Variants in NT5DC3 observed in about 807,000 individuals in gnomAD.
NT5DC3 encodes the protein 5'-nucleotidase domain containing 3, also known as 5'-nucleotidase domain-containing protein 3.
A neutral mutation model predicts 67.8 loss-of-function variants in NT5DC3; 42 were observed. The ratio of observed to expected loss-of-function variants is 0.62; its 90% CI spans 0.48 to 0.80. The LOEUF (loss-of-function observed/expected upper bound fraction) is 0.80, where lower values mean the gene tolerates loss of function less well. Among genes scored for constraint, NT5DC3 ranks in the 30% least tolerant of loss-of-function variants. NT5DC3 has a pLI of 0.00. For missense variants in NT5DC3, 570 were observed against 696.4 expected, an observed-to-expected ratio of 0.82 and a Z score of 2.04; for synonymous variants, 237 against 255.6, an observed-to-expected ratio of 0.93 and a Z score of 0.69.
intron 1 of NT5DC3, among the ~76,000 whole-genome samples, chr12:103,823,756 A>T (rs145853099): frequency 3.3e-5 from 5 of 152,242 alleles, no homozygotes; most frequent in Admixed American, 3.3e-4. Flanking sequence ...GAAAATAAGC[A>T]TAGGCATTTT....
downstream of NT5DC3, chr12:103,765,914 AAGG>A: frequency 5.5e-6 from 2 of 360,618 alleles, no homozygotes; most frequent in Non-Finnish European, 1.1e-5. Flanking sequence ...TTCAAACCGA[AAGG>A]AGTTTTTATA....
chr12:103,827,513 CAA>C (rs1037366007), intron 1 of NT5DC3, among the ~76,000 whole-genome samples: 3 of 152,152 alleles, frequency 2.0e-5, no homozygotes, highest in African/African-American at 7.2e-5. Flanking sequence ...TAGTGTTTCT[CAA>C]GTAGATTTTT....
intron 11 of NT5DC3, chr12:103,785,720 C>A: frequency 3.9e-6 from 2 of 515,358 alleles, no homozygotes; most frequent in Non-Finnish European, 7.2e-6. Flanking sequence ...CCTGCAGAAA[C>A]ACTAGGTCTG....
chr12:103,840,304 C>G (rs1888326551), intron 1 of NT5DC3, among the ~76,000 whole-genome samples: 1 of 152,044 alleles, frequency 6.6e-6, no homozygotes, highest in Non-Finnish European at 1.5e-5. Flanking sequence ...CCTTAGAATC[C>G]CCTCCTCACC....
the NT5DC3 span, among the ~76,000 whole-genome samples, chr12:103,748,605 T>TACACACAC: frequency 1.5e-4 from 21 of 141,812 alleles, no homozygotes; most frequent in African/African-American, 3.6e-4. Context: ...CACACACACA[T>TACACACAC]ACACACACAC....
Position 103,815,046 on chromosome 12 carries a change from T to C in NT5DC3, c.284A>G (p.Asp95Gly). ...ATAATCGAAGCCATAGATTTCAATGTCTGACAGGCTCATTTCATTGTTTGA... is the reference window on the plus strand; with the variant it reads ...ATAATCGAAGCCATAGATTTCAATGCCTGACAGGCTCATTTCATTGTTTGA... ...IFSNNEMSLS[D>G]IEIYGFDYDY... The change falls in exon 2 of 14, where the codon GAC becomes GGC. Residue 95 changes from aspartate to glycine, a missense_variant. Asp to Gly is a moderately conservative substitution (Grantham distance 94). This residue lies in a region of NT5DC3 where 466 missense variants were observed against 608.0 expected (regional missense o/e 0.77). Transcript: ENST00000392876. 1 of 1,613,772 alleles carries C rather than the reference T, an allele frequency of 6.2e-7. No individual in the cohort carries two copies. The highest frequency in any genetic ancestry group is 8.5e-7 in the Non-Finnish European group (1 of 1,179,718).
At chr12:103,820,171 T>C (rs1168759206) in intron 1 of NT5DC3, among the ~76,000 whole-genome samples, 33 of 152,236 alleles carry the variant, frequency 2.2e-4, no homozygotes, top group Admixed American at 2.2e-3. Flanking sequence ...TTGGGTTGCT[T>C]CTACCTTCTG....
intron 1 of NT5DC3, among the ~76,000 whole-genome samples, chr12:103,831,366 C>T (rs914869765): frequency 3.3e-5 from 5 of 152,190 alleles, no homozygotes; most frequent in East Asian, 1.9e-4. Flanking sequence ...AATTAAACCA[C>T]TTTCTTTATA....
the NT5DC3 span, chr12:103,746,478 T>C: frequency 1.2e-6 from 1 of 830,876 alleles, no homozygotes; most frequent in Non-Finnish European, 2.0e-6. Context: ...ATCTTCCTGC[T>C]GTACAGGGGC....
downstream of NT5DC3, among the ~76,000 whole-genome samples, chr12:103,769,883 T>G (rs1885143208): frequency 1.3e-5 from 2 of 152,264 alleles, no homozygotes; most frequent in South Asian, 4.1e-4. Flanking sequence ...GTGAGAGGAG[T>G]GACCAGGGAT....
At chr12:103,833,593 T>A (rs1285538028) in intron 1 of NT5DC3, among the ~76,000 whole-genome samples, 2 of 152,076 alleles carry the variant, frequency 1.3e-5, no homozygotes, top group African/African-American at 4.8e-5. Flanking sequence ...TTTGAATAAA[T>A]CTTTCAACAC....
intron 10 of NT5DC3, among the ~76,000 whole-genome samples, chr12:103,788,441 G>A (rs575876106): frequency 6.6e-6 from 1 of 152,310 alleles, no homozygotes; most frequent in Non-Finnish European, 1.5e-5. Context: ...GCAAGACCTT[G>A]TCTTAATAAA....
chr12:103,759,041 G>A, the NT5DC3 span: 23 of 1,604,036 alleles, frequency 1.4e-5, no homozygotes, highest in African/African-American at 2.4e-4. Context: ...CCTAGGCCAT[G>A]AGAAGCAATT....
the NT5DC3 span, among the ~76,000 whole-genome samples, chr12:103,753,663 T>C: frequency 6.6e-6 from 1 of 152,260 alleles, no homozygotes; most frequent in South Asian, 2.1e-4. Context: ...CAGTGCCTGA[T>C]GTCACCCAGC....
chr12:103,794,582 C>A lies in NT5DC3; in HGVS notation c.754-585G>T, dbSNP rs548460916. ...TCTGTGAATAATTCTGAATAAAGTCCCACATGATAGACAGTAATTTATATC... is the reference window on the plus strand; with the variant it reads ...TCTGTGAATAATTCTGAATAAAGTCACACATGATAGACAGTAATTTATATC... On this transcript the variant is annotated intron_variant, in intron 6 of 13. Coordinates refer to ENST00000392876, the MANE Select transcript of NT5DC3 (RefSeq NM_001031701.3). Among the ~76,000 whole-genome samples the A allele has an allele frequency of 3.0e-4, 46 of 152,328 alleles. No homozygotes were observed. The South Asian group carries it at 8.5e-3, about 28-fold the overall frequency.
intron 13 of NT5DC3, 78 bp from the exon 14 acceptor site, chr12:103,778,159 A>C (rs1593378731): frequency 2.4e-5 from 32 of 1,348,334 alleles, no homozygotes; most frequent in South Asian, 7.9e-5. Flanking sequence ...AATCAAAATC[A>C]CTTCTTTTTT....
rs1181175747 is a variant in NT5DC3 at position 103,793,505 on chromosome 12, G to A, written c.822C>T (p.Tyr274=). The A allele has an allele frequency of 3.7e-6, 6 of 1,611,576 alleles. No individual in the cohort carries two copies. The highest frequency in any genetic ancestry group is 5.1e-6 in the Non-Finnish European group (6 of 1,178,116). Residue 274 remains tyrosine (Y), a synonymous_variant, in exon 8 of 14, where the codon TAC becomes TAT. Transcript: ENST00000392876. ...YRAIEADIEK[Y]ICYAEQTRAV... is the part of the protein sequence containing the mutation. ...CGCGGGTCTGCTCAGCATAGCAGATGTACTTTTCTAAGAGCAAGAGAAAAA... is the reference window on the plus strand; with the variant it reads ...CGCGGGTCTGCTCAGCATAGCAGATATACTTTTCTAAGAGCAAGAGAAAAA...
At chr12:103,766,149 A>G, downstream of NT5DC3, 1 of 1,194,894 alleles carries the variant, frequency 8.4e-7, no homozygotes, top group South Asian at 1.3e-5. Flanking sequence ...AGGCAGCAGC[A>G]CAAACAAACA....
At chr12:103,789,044 A>G (rs1336819472) in intron 9 of NT5DC3, 125 bp from the exon 10 acceptor site, 3 of 690,290 alleles carry the variant, frequency 4.3e-6, no homozygotes, top group Middle Eastern at 3.9e-4. Flanking sequence ...CCCGAAACCA[A>G]AACTCCACCA....
Sources: gnomAD v4.1 joint callset for allele counts (sites outside exome capture counted in the v4.1 genomes callset) on GRCh38, gnomAD v4.1.1 for gene constraint, gnomAD v4.1.1 regional missense constraint, MANE v1.5 for transcripts, NCBI Gene and HGNC (gene_info 2026-07-23, HGNC 2026-07-21) for gene names.